PDK1: variants seen among roughly 807,000 people sequenced by gnomAD.
PDK1 encodes the protein pyruvate dehydrogenase kinase 1.
Under a neutral mutation model 54.2 loss-of-function variants are expected in PDK1, and 39 were observed. That is an observed-to-expected ratio of 0.72 (90% CI 0.56 to 0.94). The LOEUF (loss-of-function observed/expected upper bound fraction) is 0.94. Among genes scored for constraint, PDK1 ranks in the 40% least tolerant of loss-of-function variants. The pLI is 0.00. For missense variants in PDK1, 552 were observed against 566.0 expected (o/e 0.98, Z 0.25); for synonymous variants, 221 against 207.1 (o/e 1.07, Z -0.58).
chr2:172,556,653 A>G (rs1688349293), intron 1 of PDK1: 2 of 238,190 alleles, frequency 8.4e-6, no homozygotes, highest in East Asian at 1.7e-4. Context: ...GGCCCCTTCC[A>G]AGGAGTCGGA....
the PDK1 span, among the ~76,000 whole-genome samples, chr2:172,666,611 G>C: frequency 1.3e-5 from 2 of 152,120 alleles, no homozygotes; most frequent in African/African-American, 2.4e-5. Flanking sequence ...GGAGTGGCAG[G>C]GTGACTAGTT....
chr2:172,669,327 G>A, the PDK1 span, among the ~76,000 whole-genome samples: 2 of 152,294 alleles, frequency 1.3e-5, no homozygotes, highest in East Asian at 1.9e-4. Context: ...GATTACAGGC[G>A]TGAGCCACTG....
At chr2:172,637,950 C>CACCCTCAGATCCA in the PDK1 span, among the ~76,000 whole-genome samples, 51 of 152,290 alleles carry the variant, frequency 3.3e-4, no homozygotes, top group Admixed American at 6.5e-4. Flanking sequence ...CACCCTCAGC[C>CACCCTCAGATCCA]TCCCAAAGTT....
chr2:172,629,602 T>C, the PDK1 span, among the ~76,000 whole-genome samples: 1 of 152,064 alleles, frequency 6.6e-6, no homozygotes, highest in South Asian at 2.1e-4. Flanking sequence ...TCACCACCCT[T>C]CAATTTGTTC....
the PDK1 span, among the ~76,000 whole-genome samples, chr2:172,697,551 G>A: frequency 6.6e-6 from 1 of 152,134 alleles, no homozygotes; most frequent in Non-Finnish European, 1.5e-5. Flanking sequence ...GATGCTCTAT[G>A]ATCCAAGCTG....
intron 8 of PDK1, among the ~76,000 whole-genome samples, chr2:172,577,640 C>T (rs1689650621): frequency 6.6e-6 from 1 of 152,024 alleles, no homozygotes; most frequent in Non-Finnish European, 1.5e-5. Context: ...ACAATTAACA[C>T]CTTAATTTAT....
In PDK1 at chr2:172,607,405, C is replaced by A. The variant is rs1002636339; in HGVS notation, c.*11436C>A. ...AGTTCTTTCTAAAACTCCTTCTGTT[C>A]TCTAAGATGTAGTTTGAACCAGCCA... On this transcript the variant is annotated 3_prime_UTR_variant, in exon 11 of 11. Transcript: ENST00000282077. 1 of 152,210 alleles carries A rather than the reference C, an allele frequency of 6.6e-6. No individual in the cohort carries two copies. Among genetic ancestry groups the A allele is most frequent in the African/African-American group, 2.4e-5 (1 of 41,460 alleles). The allele number at this position is 152,210 out of a possible 1,614,324, so 9.4% of individuals were successfully genotyped here.
At chr2:172,582,584 C>T (rs1689971293) in intron 8 of PDK1, among the ~76,000 whole-genome samples, 1 of 152,188 alleles carries the variant, frequency 6.6e-6, no homozygotes, top group Non-Finnish European at 1.5e-5. Flanking sequence ...AATAAGGTTT[C>T]GTGTTAGTTT....
intron 8 of PDK1, among the ~76,000 whole-genome samples, chr2:172,581,885 T>C (rs1269584798): frequency 6.6e-6 from 1 of 152,232 alleles, no homozygotes; most frequent in East Asian, 1.9e-4. Flanking sequence ...AAATAACCTA[T>C]GTGTTATAGC....
chr2:172,558,754 A>G lies in PDK1; in HGVS notation c.243A>G (p.Gln81=). Residue 81 remains glutamine, a synonymous_variant, in exon 2 of 11, where the codon CAA becomes CAG. Coordinates refer to ENST00000282077, the MANE Select transcript of PDK1 (RefSeq NM_002610.5). The stretch of plus-strand genomic sequence containing the variant: ...AGACCTCATTTATGTTTCTGCGGCA[A>G]GAGTTGCCTGTCAGACTGGCAAATA... The part of the protein sequence containing the change: ...CEKTSFMFLR[Q]ELPVRLANIM... The G allele has an allele frequency of 6.2e-7, 1 of 1,610,872 alleles. No homozygotes were observed. Among genetic ancestry groups the G allele is most frequent in the Non-Finnish European group, 8.5e-7 (1 of 1,179,098 alleles).
the PDK1 span, among the ~76,000 whole-genome samples, chr2:172,663,146 G>T: frequency 6.6e-6 from 1 of 152,164 alleles, no homozygotes; most frequent in South Asian, 2.1e-4. Flanking sequence ...CAACAGGCTG[G>T]TTTCTTCCAG....
chr2:172,622,864 A>T, the PDK1 span, among the ~76,000 whole-genome samples: 7 of 141,662 alleles, frequency 4.9e-5, no homozygotes, highest in East Asian at 1.4e-3. Flanking sequence ...TATATGTAAT[A>T]TAATATGATA....
the PDK1 span, among the ~76,000 whole-genome samples, chr2:172,702,604 CT>C: frequency 0.014 from 1,936 of 139,662 alleles, 10 homozygotes; most frequent in Middle Eastern, 0.038. Flanking sequence ...TCCTAACTGC[CT>C]TTTTTTTTTT....
At chr2:172,572,650 C>T (rs963903797) in intron 8 of PDK1, among the ~76,000 whole-genome samples, 8 of 152,128 alleles carry the variant, frequency 5.3e-5, no homozygotes, top group African/African-American at 1.9e-4. Context: ...CGCTTGAACC[C>T]AGCAGCAGAG....
chr2:172,706,643 G>T, the PDK1 span, among the ~76,000 whole-genome samples: 1 of 152,098 alleles, frequency 6.6e-6, no homozygotes, highest in Non-Finnish European at 1.5e-5. Flanking sequence ...TGCCCAGGCT[G>T]GTCTCAAACT....
At chr2:172,642,138 G>A in the PDK1 span, among the ~76,000 whole-genome samples, 1 of 152,170 alleles carries the variant, frequency 6.6e-6, no homozygotes, top group African/African-American at 2.4e-5. Flanking sequence ...ACTGCTGTTG[G>A]GGAAGAATAC....
chr2:172,709,835 A>G, the PDK1 span, among the ~76,000 whole-genome samples: 2 of 152,188 alleles, frequency 1.3e-5, no homozygotes, highest in African/African-American at 4.8e-5. Flanking sequence ...CTGTTATTCA[A>G]TTCAGTGATG....
chr2:172,628,647 C>G, the PDK1 span, among the ~76,000 whole-genome samples: 1 of 152,162 alleles, frequency 6.6e-6, no homozygotes, highest in African/African-American at 2.4e-5. Context: ...ACTATCACAT[C>G]TCACTCTATT....
At chr2:172,663,220 C>T in the PDK1 span, among the ~76,000 whole-genome samples, 1 of 152,292 alleles carries the variant, frequency 6.6e-6, no homozygotes, top group Admixed American at 6.5e-5. Context: ...TTCACATGGT[C>T]GTTCCTCTGA....
Sources: gnomAD v4.1 joint callset for allele counts (sites outside exome capture counted in the v4.1 genomes callset) on GRCh38, gnomAD v4.1.1 for gene constraint, MANE v1.5 for transcripts, NCBI Gene and HGNC (gene_info 2026-07-23, HGNC 2026-07-21) for gene names.